The following FAS variants were observed in gnomAD, a reference collection of about 807,000 sequenced individuals.
FAS encodes the protein Fas cell surface death receptor.
In FAS, 5 loss-of-function variants were observed where a neutral mutation model predicts 33.2. The ratio of observed to expected loss-of-function variants is 0.15; its 90% confidence interval spans 0.08 to 0.32. The LOEUF (loss-of-function observed/expected upper bound fraction) is 0.32. Ranked by LOEUF, FAS falls within the 10% of genes least tolerant of loss-of-function variation. The pLI is 1.00. For missense variants in FAS, 339 were observed against 386.0 expected, an observed-to-expected ratio of 0.88 and a Z score of 1.02; for synonymous variants, 131 against 130.7, an observed-to-expected ratio of 1.00 and a Z score of -0.01.
chr10:89,014,661 G>A lies in FAS; in HGVS notation c.*211G>A, dbSNP rs1468156137. Reference sequence around the variant, plus strand: ...TAGTTGGGAAAACAAACTTCATCAAGAGTAAATGCAGTGGCATGCTAAGTA... The same window carrying A: ...TAGTTGGGAAAACAAACTTCATCAAAAGTAAATGCAGTGGCATGCTAAGTA... On this transcript the variant is annotated 3_prime_UTR_variant, in exon 9 of 9. Transcript: ENST00000652046. 1 of 692,666 alleles carries A rather than the reference G, an allele frequency of 1.4e-6. No individual in the cohort carries two copies. Among genetic ancestry groups the A allele is most frequent in the African/African-American group, 1.8e-5 (1 of 57,054 alleles). The allele number at this position is 692,666 out of a possible 1,614,324, so 42.9% of individuals were successfully genotyped here. A position where few individuals can be genotyped will look rare whatever the true frequency, so the allele number is the denominator to read the frequency against.
At chr10:88,987,573 A>G (rs1420931409), upstream of FAS, among the ~76,000 whole-genome samples, 3 of 152,236 alleles carry the variant, frequency 2.0e-5, no homozygotes, top group Non-Finnish European at 4.4e-5. Flanking sequence ...CACATCTCAC[A>G]TATTTCTACT....
At chr10:88,994,520 A>G (rs912708072) in intron 1 of FAS, among the ~76,000 whole-genome samples, 2 of 152,216 alleles carry the variant, frequency 1.3e-5, no homozygotes, top group Admixed American at 6.5e-5. Flanking sequence ...ATAGGTAAAT[A>G]TAGAAAAAAT....
In FAS at chr10:89,014,618, C is replaced by T; in HGVS notation, c.*168C>T. On this transcript the variant is annotated 3_prime_UTR_variant, in exon 9 of 9. Coordinates refer to ENST00000652046, the MANE Select transcript of FAS (RefSeq NM_000043.6). ...TTTTTAATATCTCATGATTCTGCCT[C>T]CAAGGATGTTTAAAATCTAGTTGGG... is the stretch of plus-strand genomic sequence containing the variant. 1.3e-6 allele frequency: 1 copy of T among 782,748 alleles called. No homozygotes were observed. Among genetic ancestry groups the T allele is most frequent in the East Asian group, 2.7e-5 (1 of 37,478 alleles). The allele number at this position is 782,748 out of a possible 1,614,324, so 48.5% of individuals were successfully genotyped here.
intron 1 of FAS, among the ~76,000 whole-genome samples, chr10:88,997,307 G>C (rs1564678599): frequency 6.6e-6 from 1 of 150,600 alleles, no homozygotes; most frequent in Non-Finnish European, 1.5e-5. Flanking sequence ...GGGGTCTTGA[G>C]AACTATTTTT....
At chr10:88,966,253 C>G (rs1846316041) in intron 1 of FAS, among the ~76,000 whole-genome samples, 1 of 152,132 alleles carries the variant, frequency 6.6e-6, no homozygotes, top group Middle Eastern at 3.2e-3. Flanking sequence ...ATTATCATAG[C>G]TTTTTCTTGT....
Position 89,002,791 on chromosome 10 carries a change from A to G in FAS, c.31-238A>G. ...TGGGAGGCCCTGTTCACCTTAGAAC[A>G]CCTGGCTTCTATCATTCATGGTGCT... On this transcript the variant is annotated intron_variant, in intron 1 of 8. Transcript: ENST00000652046. 5 of 511,112 alleles carry G rather than the reference A, an allele frequency of 9.8e-6. No homozygotes were observed. The South Asian group carries it at 1.0e-4, about 10-fold the overall frequency. The allele number at this position is 511,112 out of a possible 1,614,324, so 31.7% of individuals were successfully genotyped here.
rs1457995181 is a variant in FAS, at chr10:89,014,685, T to C, written c.*235T>C. 6 of 664,336 alleles carry C rather than the reference T, an allele frequency of 9.0e-6. No homozygotes were observed. The East Asian group carries it at 1.4e-4, about 16-fold the overall frequency. 41.2% of individuals were successfully genotyped at this position (664,336 alleles called of 1,614,324 possible). On this transcript the variant is annotated 3_prime_UTR_variant, in exon 9 of 9. Coordinates refer to ENST00000652046, the MANE Select transcript of FAS (RefSeq NM_000043.6). ...AGAGTAAATGCAGTGGCATGCTAAG[T>C]ACCCAAATAGGAGTGTATGCAGAGG...
intron 1 of FAS, chr10:88,991,524 A>T (rs999420819): frequency 6.2e-6 from 1 of 160,962 alleles, no homozygotes; most frequent in Admixed American, 6.0e-5. Flanking sequence ...AAAAAGTTAT[A>T]TGGGGGCTGA....
At chr10:88,977,406 T>C (rs1359009020) in intron 2 of FAS, among the ~76,000 whole-genome samples, 1 of 151,712 alleles carries the variant, frequency 6.6e-6, no homozygotes, top group Non-Finnish European at 1.5e-5. Flanking sequence ...CCCAGCACCA[T>C]TTATTAAATA....
At chr10:88,969,689 C>A (rs557988352) in intron 1 of FAS, among the ~76,000 whole-genome samples, 2 of 152,256 alleles carry the variant, frequency 1.3e-5, no homozygotes, top group Non-Finnish European at 2.9e-5. Flanking sequence ...CCAACTATAT[C>A]TTTTCATATA....
At chr10:88,977,457 A>G (rs1014158791) in intron 2 of FAS, among the ~76,000 whole-genome samples, 4 of 152,108 alleles carry the variant, frequency 2.6e-5, no homozygotes, top group Non-Finnish European at 5.9e-5. Flanking sequence ...CAGGTTTGTC[A>G]AAGATCAGAT....
At chr10:88,971,380 G>A (rs567634976) in intron 1 of FAS, among the ~76,000 whole-genome samples, 2 of 152,314 alleles carry the variant, frequency 1.3e-5, no homozygotes, top group Admixed American at 1.3e-4. Flanking sequence ...TTTGTAAAGG[G>A]TGCCAATGGC....
chr10:88,998,441 A>AGTTGTAT (rs1356365856), intron 1 of FAS, among the ~76,000 whole-genome samples: 2 of 152,110 alleles, frequency 1.3e-5, no homozygotes, highest in Non-Finnish European at 2.9e-5. Context: ...GAGCTCTGGA[A>AGTTGTAT]GTTGTATATA....
In FAS at chr10:89,015,493, A is replaced by G. The variant is rs1167078692; in HGVS notation, c.*1043A>G. ...ATGGCAGCTTATACATAGCAATGGTAAAATCATCATCTGGATTTAGGAATT... is the reference window on the plus strand; with the variant it reads ...ATGGCAGCTTATACATAGCAATGGTGAAATCATCATCTGGATTTAGGAATT... On this transcript the variant is annotated 3_prime_UTR_variant, in exon 9 of 9. Coordinates refer to ENST00000652046, the MANE Select transcript of FAS (RefSeq NM_000043.6). 1 of 534,778 alleles carries G rather than the reference A, an allele frequency of 1.9e-6. No homozygotes were observed. The highest frequency in any genetic ancestry group is 1.5e-5 in the South Asian group (1 of 65,136). 33.1% of individuals were successfully genotyped at this position (534,778 alleles called of 1,614,324 possible). A position where few individuals can be genotyped will look rare whatever the true frequency, so the allele number is the denominator to read the frequency against.
intron 1 of FAS, among the ~76,000 whole-genome samples, chr10:88,993,858 C>A (rs1847420222): frequency 1.3e-5 from 2 of 151,922 alleles, no homozygotes; most frequent in Admixed American, 6.6e-5. Flanking sequence ...AGAAGTCTTA[C>A]AAATACAATA....
intron 1 of FAS, among the ~76,000 whole-genome samples, chr10:88,968,085 T>C (rs1029617842): frequency 1.3e-5 from 2 of 152,210 alleles, no homozygotes; most frequent in Non-Finnish European, 2.9e-5. Flanking sequence ...TTGACATTTC[T>C]GCAGAAGTAA....
intron 1 of FAS, among the ~76,000 whole-genome samples, chr10:88,968,377 T>A (rs573136237): frequency 6.6e-6 from 1 of 152,270 alleles, no homozygotes; most frequent in Non-Finnish European, 1.5e-5. Context: ...GGGTTTTTGA[T>A]CATCTTGGGT....
At chr10:89,001,726 C>T (rs1252222229) in intron 1 of FAS, among the ~76,000 whole-genome samples, 3 of 152,324 alleles carry the variant, frequency 2.0e-5, no homozygotes, top group African/African-American at 7.2e-5. Flanking sequence ...CAATTGTTCT[C>T]TCAGGTTCTT....
chr10:88,977,642 GA>G (rs1243762296), intron 2 of FAS, among the ~76,000 whole-genome samples: 1 of 151,464 alleles, frequency 6.6e-6, no homozygotes, highest in African/African-American at 2.4e-5. Flanking sequence ...AAAAACACAT[GA>G]AAAAATGCTC....
Sources: gnomAD v4.1 joint callset for allele counts (sites outside exome capture counted in the v4.1 genomes callset) on GRCh38, gnomAD v4.1.1 for gene constraint, MANE v1.5 for transcripts, NCBI Gene and HGNC (gene_info 2026-07-23, HGNC 2026-07-21) for gene names.